RGS9: variants seen among roughly 807,000 people sequenced by gnomAD.
RGS9 encodes the protein regulator of G-protein signalling 9.
In RGS9, 78 loss-of-function variants were observed where a neutral mutation model predicts 102.0. The observed-to-expected ratio is 0.76, with a 90% confidence interval of 0.64 to 0.92. The LOEUF is 0.92. RGS9 is among the 40% of genes least tolerant of loss of function. The probability of loss-of-function intolerance (pLI) is 0.00; values close to 1 mark genes in which losing one functional copy is unlikely to be tolerated. For synonymous variants in RGS9, 353 were observed against 318.6 expected (o/e 1.11, Z -1.15); for missense variants, 833 against 866.1 (o/e 0.96, Z 0.48).
intron 17 of RGS9, among the ~76,000 whole-genome samples, chr17:65,222,442 G>A (rs1329073812): frequency 4.6e-5 from 7 of 152,196 alleles, no homozygotes; most frequent in African/African-American, 1.7e-4. Flanking sequence ...GACAGGGGTG[G>A]GAATCCTACA....
intron 1 of RGS9, among the ~76,000 whole-genome samples, chr17:65,147,587 CTTTTTTTTTTTT>C (rs36062784): frequency 9.6e-6 from 1 of 103,704 alleles, no homozygotes; most frequent in Non-Finnish European, 1.8e-5. Flanking sequence ...CTTTTAAAAA[CTTTTTTTTTTTT>C]TTTTTTTTTG....
At chr17:65,207,225 C>G (rs1022837618) in intron 15 of RGS9, among the ~76,000 whole-genome samples, 3 of 152,206 alleles carry the variant, frequency 2.0e-5, no homozygotes, top group Non-Finnish European at 4.4e-5. Flanking sequence ...ATACTCCTGG[C>G]TGCTCATCTT....
chr17:65,141,293 T>C (rs1910147586), intron 1 of RGS9, among the ~76,000 whole-genome samples: 1 of 152,182 alleles, frequency 6.6e-6, no homozygotes, highest in Non-Finnish European at 1.5e-5. Flanking sequence ...CCATGGACTC[T>C]TGTTCTGGGG....
intron 2 of RGS9, among the ~76,000 whole-genome samples, chr17:65,157,048 C>A (rs8072705): frequency 6.6e-6 from 1 of 152,132 alleles, no homozygotes; most frequent in South Asian, 2.1e-4. Flanking sequence ...GCCCAGAGAG[C>A]GTGTATATGG....
chr17:65,192,599 G>T (rs1912410113), intron 11 of RGS9, among the ~76,000 whole-genome samples: 1 of 143,762 alleles, frequency 7.0e-6, no homozygotes, highest in African/African-American at 2.8e-5. Context: ...TAGTGACAGA[G>T]CAAGACAATG....
At chr17:65,177,608 A>G (rs983016457) in intron 8 of RGS9, 124 bp from the exon 9 acceptor site, 6 of 993,402 alleles carry the variant, frequency 6.0e-6, no homozygotes, top group African/African-American at 1.6e-5. Flanking sequence ...AAAGCTTCCC[A>G]TGGGCTAGGC....
intron 13 of RGS9, among the ~76,000 whole-genome samples, chr17:65,201,544 G>C (rs181237325): frequency 6.6e-6 from 1 of 152,194 alleles, no homozygotes; most frequent in Non-Finnish European, 1.5e-5. Flanking sequence ...GCGTAGCAAC[G>C]CATGTATAGA....
At chr17:65,169,059 T>C (rs1014374204) in intron 8 of RGS9, among the ~76,000 whole-genome samples, 15 of 152,202 alleles carry the variant, frequency 9.9e-5, no homozygotes, top group African/African-American at 3.6e-4. Context: ...GAAAGAAATG[T>C]TCTTCCTCCT....
intron 1 of RGS9, among the ~76,000 whole-genome samples, chr17:65,150,896 G>A (rs908454446): frequency 2.6e-5 from 4 of 152,202 alleles, no homozygotes; most frequent in Non-Finnish European, 2.9e-5. Flanking sequence ...CAGCTTTCCC[G>A]TTAGTGAGGG....
Position 65,225,197 on chromosome 17 carries a change from G to A in RGS9, c.1603G>A (p.Gly535Ser), listed in dbSNP as rs769048282. Residue 535 changes from glycine (G) to serine (S), a missense_variant, in exon 18 of 19, where the codon GGC (glycine) becomes AGC (serine). Coordinates refer to ENST00000262406, the MANE Select transcript of RGS9 (RefSeq NM_003835.4). Reference protein sequence around the residue: ...PIRVALESSSGLEQKGECSGS... With the variant: ...PIRVALESSSSLEQKGECSGS... The stretch of plus-strand genomic sequence containing the variant: ...CAGAGTGGCCTTGGAGAGCTCATCG[G>A]GCTTGGAGCAGAAAGGGGAGTGCAG... The A allele has an allele frequency of 1.3e-5, 21 of 1,613,164 alleles. No homozygotes were observed. In the East Asian group the frequency reaches 4.5e-4, roughly 34 times the overall value.
At chr17:65,220,387 C>T (rs1567895449) in intron 17 of RGS9, among the ~76,000 whole-genome samples, 2 of 152,158 alleles carry the variant, frequency 1.3e-5, no homozygotes, top group Non-Finnish European at 1.5e-5. Context: ...AGAGGACTGA[C>T]CAGCAACAGT....
At chr17:65,164,613 T>C (rs562477835) in intron 7 of RGS9, among the ~76,000 whole-genome samples, 1 of 152,216 alleles carries the variant, frequency 6.6e-6, no homozygotes, top group East Asian at 1.9e-4. Flanking sequence ...GAACACTGTT[T>C]ATGGGAGAGC....
Position 65,202,610 on chromosome 17 carries a change from A to G in RGS9, c.1064+530A>G, listed in dbSNP as rs960193551. ...TTGGGGTACAAACATGGGTGGGCAC[A>G]TCTCATTCCTGACATCACGGCTCCA... On this transcript the variant is annotated intron_variant, in intron 14 of 18. Transcript: ENST00000262406. 8.5e-5 allele frequency among the ~76,000 whole-genome samples: 13 copies of G among 152,172 alleles called. 1 individual carries two copies. Among genetic ancestry groups the G allele is most frequent in the Non-Finnish European group, 1.5e-4 (10 of 68,024 alleles).
intron 3 of RGS9, 118 bp downstream of exon 3, chr17:65,158,463 A>G (rs1009818675): frequency 5.2e-6 from 5 of 964,908 alleles, no homozygotes; most frequent in African/African-American, 4.8e-5. Context: ...TTGGACAGAC[A>G]TGACCTTCGT....
chr17:65,202,446 A>T (rs9898001), intron 14 of RGS9, among the ~76,000 whole-genome samples: 25,387 of 96,470 alleles, frequency 0.26, 2,493 homozygotes, highest in African/African-American at 0.45. Flanking sequence ...TGTGTGTGTG[A>T]GAGAGAGAGA....
chr17:65,189,530 A>G (rs1054312108), intron 10 of RGS9, among the ~76,000 whole-genome samples: 6 of 151,730 alleles, frequency 4.0e-5, no homozygotes, highest in African/African-American at 1.5e-4. Context: ...GGTCTGAAAA[A>G]CCCCTCGAAG....
At chr17:65,162,220 A>C (rs1273147461) in intron 6 of RGS9, among the ~76,000 whole-genome samples, 1 of 151,736 alleles carries the variant, frequency 6.6e-6, no homozygotes, top group East Asian at 2.0e-4. Flanking sequence ...GTGAGACCCT[A>C]TCTCTACAAA....
intron 6 of RGS9, among the ~76,000 whole-genome samples, chr17:65,162,571 T>C (rs1911024530): frequency 6.6e-6 from 1 of 151,890 alleles, no homozygotes; most frequent in Non-Finnish European, 1.5e-5. Context: ...CATGCCATTC[T>C]CCTGCCTCAG....
intron 9 of RGS9, among the ~76,000 whole-genome samples, chr17:65,187,479 C>A (rs1246717807): frequency 2.6e-5 from 4 of 152,174 alleles, no homozygotes; most frequent in African/African-American, 4.8e-5. Flanking sequence ...GAAGAGCAAT[C>A]CGGGGAAGCA....
Sources: allele counts gnomAD v4.1 joint callset (sites outside exome capture counted in the v4.1 genomes callset), GRCh38; gene constraint gnomAD v4.1.1; transcripts MANE v1.5; gene names NCBI Gene and HGNC (gene_info 2026-07-23, HGNC 2026-07-21).